Variants in ASTN2 observed in about 807,000 individuals in gnomAD.
The protein encoded by ASTN2 is astrotactin-2.
In ASTN2, 54 loss-of-function variants were observed where a neutral mutation model predicts 139.8. The observed-to-expected ratio is 0.39, with a 90% CI of 0.31 to 0.48. The LOEUF (loss-of-function observed/expected upper bound fraction) is 0.48, where lower values mean the gene tolerates loss of function less well. Ranked by LOEUF, ASTN2 falls within the 20% of genes least tolerant of loss-of-function variation. The pLI, the probability that ASTN2 is intolerant of heterozygous loss-of-function variation, is 0.95. For synonymous variants in ASTN2, 756 were observed against 719.5 expected (o/e 1.05, Z -0.81); for missense variants, 1,565 against 1,725.1 (o/e 0.91, Z 1.64).
chr9:116,427,688 A>G (rs1300474012), intron 22 of ASTN2, among the ~76,000 whole-genome samples: 1 of 152,256 alleles, frequency 6.6e-6, no homozygotes, highest in Non-Finnish European at 1.5e-5. Context: ...ATGTGTATAC[A>G]TTTTGTGGGC....
rs10983217 is a variant in ASTN2, at chr9:116,526,425, A to C, written c.3356-38925T>G. ...CCAGGAGTTTGAGAGCAGCCTGGCC[A>C]ACATGGTAAAACCCCGTATCTACTA... is the stretch of plus-strand genomic sequence containing the variant. On this transcript the variant is annotated intron_variant, in intron 19 of 22. Transcript: ENST00000313400. 0.019 allele frequency among the ~76,000 whole-genome samples: 2,832 copies of C among 152,156 alleles called. 386 individuals are homozygous for C. The South Asian group carries it at 0.27, about 15-fold the overall frequency.
At chr9:116,844,419 G>C in intron 11 of ASTN2, among the ~76,000 whole-genome samples, 1 of 152,178 alleles carries the variant, frequency 6.6e-6, no homozygotes, top group Admixed American at 6.5e-5. Context: ...GTGGGAGGGA[G>C]ACAAGCCAGT....
chr9:116,888,125 A>G (rs1833665033), intron 10 of ASTN2, among the ~76,000 whole-genome samples: 1 of 152,118 alleles, frequency 6.6e-6, no homozygotes, highest in African/African-American at 2.4e-5. Context: ...TAGACCTGGC[A>G]TGGTGGGTGG....
intron 13 of ASTN2, among the ~76,000 whole-genome samples, chr9:116,781,771 G>C (rs1212548226): frequency 6.6e-6 from 1 of 151,976 alleles, no homozygotes; most frequent in African/African-American, 2.4e-5. Context: ...ATGACTTCCG[G>C]TTAACTTGTC....
rs188919170 is a variant in ASTN2 at position 116,869,078 on chromosome 9, G to C, written c.1890-5345C>G. 1.9e-4 allele frequency among the ~76,000 whole-genome samples: 29 copies of C among 152,164 alleles called. No individual in the cohort carries two copies. In the East Asian group the frequency reaches 5.4e-3, roughly 28 times the overall value. ...TGGGTGCCTGTAATCCCAGCTACTC[G>C]GGAGGCTGAAGCAGGAGAATTGCTT... On this transcript the variant is annotated intron_variant, in intron 10 of 22. Coordinates refer to ENST00000313400, the MANE Select transcript of ASTN2 (RefSeq NM_001365068.1).
chr9:116,550,295 C>T (rs564622361), intron 19 of ASTN2, among the ~76,000 whole-genome samples: 76 of 152,292 alleles, frequency 5.0e-4, no homozygotes, highest in African/African-American at 1.8e-3. Context: ...TATCTGTCTG[C>T]TTCAAAGCAC....
In ASTN2 at chr9:116,656,188, A is replaced by G. The variant is rs2098827416; in HGVS notation, c.2807-4395T>C. On this transcript the variant is annotated intron_variant, in intron 16 of 22. Coordinates refer to ENST00000313400, the MANE Select transcript of ASTN2 (RefSeq NM_001365068.1). ...TGGAACACAGCAGGCTTTCAAAAATATTTTTAATATTTGTTAAATATATAG... is the reference window on the plus strand; with the variant it reads ...TGGAACACAGCAGGCTTTCAAAAATGTTTTTAATATTTGTTAAATATATAG... Among the ~76,000 whole-genome samples the G allele has an allele frequency of 3.3e-5, 5 of 152,170 alleles. No homozygotes were observed. The South Asian group carries it at 1.0e-3, about 31-fold the overall frequency.
intron 16 of ASTN2, chr9:116,686,758 C>T (rs1217158129): frequency 1.3e-6 from 2 of 1,550,542 alleles, no homozygotes; most frequent in African/African-American, 2.7e-5. Context: ...TGCTGTCGGC[C>T]TCCCAGCTGA....
chr9:117,295,707 TA>T (rs1468485155), intron 1 of ASTN2, among the ~76,000 whole-genome samples: 1 of 150,854 alleles, frequency 6.6e-6, no homozygotes, highest in African/African-American at 2.4e-5. Flanking sequence ...GTGGAGGGAC[TA>T]AAAAATAGAA....
intron 2 of ASTN2, among the ~76,000 whole-genome samples, chr9:117,262,851 G>C (rs1160310732): frequency 6.6e-6 from 1 of 152,134 alleles, no homozygotes; most frequent in Non-Finnish European, 1.5e-5. Flanking sequence ...GTGTTGTGGT[G>C]TGAGAAGAAC....
At chr9:117,129,866 T>C (rs1024290810) in intron 4 of ASTN2, among the ~76,000 whole-genome samples, 1 of 152,220 alleles carries the variant, frequency 6.6e-6, no homozygotes, top group Non-Finnish European at 1.5e-5. Flanking sequence ...AATTTTGCCA[T>C]ATGATTCCAT....
chr9:116,921,866 G>A (rs1474649610), intron 10 of ASTN2, among the ~76,000 whole-genome samples: 1 of 152,084 alleles, frequency 6.6e-6, no homozygotes, highest in Non-Finnish European at 1.5e-5. Context: ...CTTCCACTGG[G>A]TCCCTCTCTT....
At chr9:117,071,710 A>C (rs10759895) in intron 5 of ASTN2, among the ~76,000 whole-genome samples, 5 of 143,298 alleles carry the variant, frequency 3.5e-5, no homozygotes, top group African/African-American at 1.1e-4. Context: ...ATATAGTCTC[A>C]TGGTGCGCCG....
At position 116,726,054 on chromosome 9, in the gene ASTN2, C is replaced by G. The variant is rs938580456; in HGVS notation, c.2627-104G>C. ...TTCCCAACCTGTATTTTGTGCCTTA[C>G]CCCTCAGCACAGTGGCAGCTTGGTG... On this transcript the variant is annotated intron_variant, in intron 15 of 22. Transcript: ENST00000313400. 6 of 1,103,128 alleles carry G rather than the reference C, an allele frequency of 5.4e-6. No homozygotes were observed. In the African/African-American group the frequency reaches 9.4e-5, roughly 17 times the overall value. The allele number at this position is 1,103,128 out of a possible 1,614,324, so 68.3% of individuals were successfully genotyped here.
intron 1 of ASTN2, among the ~76,000 whole-genome samples, chr9:117,354,286 C>T (rs749961878): frequency 6.6e-6 from 1 of 152,104 alleles, no homozygotes; most frequent in African/African-American, 2.4e-5. Flanking sequence ...TGAGGCCCCT[C>T]ATCATCTGGC....
At chr9:116,851,039 G>T (rs754744476) in intron 11 of ASTN2, among the ~76,000 whole-genome samples, 7 of 152,214 alleles carry the variant, frequency 4.6e-5, no homozygotes, top group African/African-American at 9.6e-5. Flanking sequence ...GTCTTACACA[G>T]CAGTACTTAG....
At chr9:117,374,369 T>TAAAAAAAAAAAAAAAAAA (rs57428022) in intron 1 of ASTN2, among the ~76,000 whole-genome samples, 12 of 87,328 alleles carry the variant, frequency 1.4e-4, no homozygotes, top group African/African-American at 6.6e-4. Flanking sequence ...AGGGCAGGGT[T>TAAAAAAAAAAAAAAAAAA]AAAAAAAAAA....
At chr9:116,859,294 G>T (rs1172040693) in intron 11 of ASTN2, among the ~76,000 whole-genome samples, 1 of 152,070 alleles carries the variant, frequency 6.6e-6, no homozygotes, top group Non-Finnish European at 1.5e-5. Context: ...TCTTTGCAGG[G>T]GCCATTATTT....
chr9:116,722,259 A>C (rs77369896), intron 16 of ASTN2, among the ~76,000 whole-genome samples: 917 of 46,136 alleles, frequency 0.02, 10 homozygotes, highest in African/African-American at 0.055. Context: ...CGCACACACA[A>C]AAAAAAATAC....
Sources: gnomAD v4.1 joint callset for allele counts (sites outside exome capture counted in the v4.1 genomes callset) on GRCh38, gnomAD v4.1.1 for gene constraint, MANE v1.5 for transcripts, NCBI Gene and HGNC (gene_info 2026-07-23, HGNC 2026-07-21) for gene names.